Variants in HACD1 observed in about 807,000 individuals in gnomAD.
HACD1 encodes the protein very-long-chain (3R)-3-hydroxyacyl-CoA dehydratase 1.
A neutral mutation model predicts 32.0 loss-of-function variants in HACD1; 41 were observed. That is an observed-to-expected ratio of 1.28 (90% CI 1.00 to 1.66). The LOEUF is 1.66. Ranked by LOEUF, HACD1 falls within the 40% of genes most tolerant of loss-of-function variation. HACD1 has a pLI of 0.00. For missense variants in HACD1, 396 were observed against 380.1 expected (o/e 1.04, Z -0.35); for synonymous variants, 142 against 139.0 (o/e 1.02, Z -0.15).
chr10:17,615,714 C>T (rs1359102942), intron 1 of HACD1: 7 of 343,016 alleles, frequency 2.0e-5, no homozygotes, highest in Non-Finnish European at 3.6e-5. Flanking sequence ...CACCTGTAAT[C>T]CCAGCACATT....
intron 5 of HACD1, among the ~76,000 whole-genome samples, chr10:17,594,778 T>C (rs1238365186): frequency 1.3e-5 from 2 of 151,822 alleles, no homozygotes; most frequent in African/African-American, 4.8e-5. Flanking sequence ...TTCAAGTAAT[T>C]CTCCTGCCTC....
rs535549012 is a variant in HACD1, at chr10:17,590,100, T to G, written c.*264A>C. 3 of 229,902 alleles carry G rather than the reference T, an allele frequency of 1.3e-5. No homozygotes were observed. In the East Asian group the frequency reaches 2.5e-4, roughly 19 times the overall value. The allele number at this position is 229,902 out of a possible 1,614,324, so 14.2% of individuals were successfully genotyped here. A position where few individuals can be genotyped will look rare whatever the true frequency, so the allele number is the denominator to read the frequency against. ...TTTCAAAAAAAACTTAGCAAAAGTT[T>G]TTTTTTCCCCCAGATAATACACCTA... On this transcript the variant is annotated 3_prime_UTR_variant, in exon 7 of 7. Transcript: ENST00000361271.
intron 5 of HACD1, 61 bp from the exon 6 acceptor site, chr10:17,594,444 C>T: frequency 1.6e-6 from 2 of 1,267,434 alleles, no homozygotes; most frequent in South Asian, 4.9e-5. Flanking sequence ...CTTTACATTG[C>T]AGGTCTATTG....
chr10:17,603,610 C>A lies in HACD1; in HGVS notation c.433G>T (p.Val145Leu). 1 of 1,613,746 alleles carries A rather than the reference C, an allele frequency of 6.2e-7. No homozygotes were observed. Among genetic ancestry groups the A allele is most frequent in the East Asian group, 2.2e-5 (1 of 44,832 alleles). The change falls in exon 4 of 7, where the codon GTG becomes TTG. Residue 145 changes from valine to leucine, a missense_variant. Physicochemically the swap from Val to Leu is conservative, Grantham distance 32 (BLOSUM62 1). Transcript: ENST00000361271. ...PTSVIVTGVQ[V>L]SSRIFMVWLI... ...CACACCATAAAGATTCTTGAACTCA[C>A]TTGGACCCCAGTCACAATCACAGAA...
intron 4 of HACD1, among the ~76,000 whole-genome samples, chr10:17,600,976 A>G (rs1554816460): frequency 1.3e-5 from 2 of 151,858 alleles, no homozygotes; most frequent in African/African-American, 4.8e-5. Flanking sequence ...GCGTGATTTA[A>G]CGTTAAGTGT....
intron 4 of HACD1, among the ~76,000 whole-genome samples, chr10:17,599,641 C>T (rs990484183): frequency 6.6e-6 from 1 of 152,154 alleles, no homozygotes; most frequent in Non-Finnish European, 1.5e-5. Flanking sequence ...TTTCTTCCCT[C>T]GTCCTTCACT....
In HACD1 at chr10:17,602,641, G is replaced by A. The variant is rs534090130; in HGVS notation, c.483+919C>T. 3.9e-5 allele frequency among the ~76,000 whole-genome samples: 6 copies of A among 152,236 alleles called. No homozygotes were observed. The South Asian group carries it at 6.2e-4, about 16-fold the overall frequency. On this transcript the variant is annotated intron_variant, in intron 4 of 6. Coordinates refer to ENST00000361271, the MANE Select transcript of HACD1 (RefSeq NM_014241.4). Reference sequence around the variant, plus strand: ...GGCTAAATCAAGCTAACGAACCTATGTATTACCTTATGTACTTATTTATTT... The same window carrying A: ...GGCTAAATCAAGCTAACGAACCTATATATTACCTTATGTACTTATTTATTT...
chr10:17,603,901 A>G (rs782527038), intron 2 of HACD1, 29 bp downstream of exon 2: 5 of 1,538,166 alleles, frequency 3.3e-6, no homozygotes, highest in South Asian at 1.2e-5. Flanking sequence ...TATTACAGCA[A>G]TAGAAAAACA....
intron 1 of HACD1, among the ~76,000 whole-genome samples, chr10:17,616,457 C>T (rs1476857492): frequency 6.6e-6 from 1 of 152,004 alleles, no homozygotes; most frequent in Non-Finnish European, 1.5e-5. Context: ...GAGAGCTCTG[C>T]GAAGAGCGAC....
At chr10:17,602,184 C>T (rs568480645) in intron 4 of HACD1, among the ~76,000 whole-genome samples, 125 of 152,132 alleles carry the variant, frequency 8.2e-4, no homozygotes, top group African/African-American at 2.9e-3. Context: ...ATTCTCCTGC[C>T]TCAGCCTCCC....
At chr10:17,607,316 A>G (rs1834162024) in intron 1 of HACD1, among the ~76,000 whole-genome samples, 1 of 152,032 alleles carries the variant, frequency 6.6e-6, no homozygotes, top group African/African-American at 2.4e-5. Context: ...TGTGGCTACA[A>G]CTGATGGATC....
rs1327226061 is a variant in HACD1, at chr10:17,594,371, A to G, written c.618T>C (p.Phe206=). Residue 206 remains phenylalanine, a synonymous_variant, in exon 6 of 7, where the codon TTT becomes TTC. Coordinates refer to ENST00000361271, the MANE Select transcript of HACD1 (RefSeq NM_014241.4). ...YFIKWARYNF[F]IILYPVGVAG... ...CAACTCCAACAGGATATAAGATGAT[A>G]AAAAAATTATATCTGGAGAAAGAAA... 1.4e-6 allele frequency: 2 copies of G among 1,465,172 alleles called. No homozygotes were observed. The highest frequency in any genetic ancestry group is 1.4e-5 in the African/African-American group (1 of 70,460). The allele number at this position is 1,465,172 out of a possible 1,614,324, so 90.8% of individuals were successfully genotyped here. A position where few individuals can be genotyped will look rare whatever the true frequency, so the allele number is the denominator to read the frequency against.
intron 4 of HACD1, among the ~76,000 whole-genome samples, chr10:17,599,840 G>A (rs1433969485): frequency 6.6e-6 from 1 of 152,124 alleles, no homozygotes; most frequent in Non-Finnish European, 1.5e-5. Flanking sequence ...CTTGACTACT[G>A]TAACTGTTTC....
At chr10:17,607,734 A>G (rs1422828486) in intron 1 of HACD1, among the ~76,000 whole-genome samples, 1 of 152,172 alleles carries the variant, frequency 6.6e-6, no homozygotes, top group Non-Finnish European at 1.5e-5. Flanking sequence ...CGTGCCACTC[A>G]CTAAACTGTG....
chr10:17,609,277 C>T (rs1487183483), intron 1 of HACD1, among the ~76,000 whole-genome samples: 4 of 151,728 alleles, frequency 2.6e-5, no homozygotes, highest in South Asian at 2.1e-4. Context: ...CCTCAGCCTC[C>T]GTAGTAGCTG....
At chr10:17,608,943 A>G (rs1396908100) in intron 1 of HACD1, among the ~76,000 whole-genome samples, 1 of 152,180 alleles carries the variant, frequency 6.6e-6, no homozygotes, top group African/African-American at 2.4e-5. Context: ...AAAAGAAAAA[A>G]CAAACGCTTG....
At chr10:17,607,783 G>A (rs1554817171) in intron 1 of HACD1, among the ~76,000 whole-genome samples, 1 of 152,118 alleles carries the variant, frequency 6.6e-6, no homozygotes, top group Non-Finnish European at 1.5e-5. Flanking sequence ...GATTTGAAAG[G>A]ACCCATCGAA....
At chr10:17,592,935 C>A (rs1204766127) in intron 6 of HACD1, among the ~76,000 whole-genome samples, 3 of 152,186 alleles carry the variant, frequency 2.0e-5, no homozygotes, top group African/African-American at 7.2e-5. Flanking sequence ...GGGGCAGGGG[C>A]TCATGCCTGT....
rs12255308 is a variant in HACD1 at position 17,611,849 on chromosome 10, C to T, written c.257+5234G>A. ...AGGCGTGGTGGGGGGTGCCTGTAGT[C>T]CCAGCTACTCGGGAGGCTGAGGCAG... is the stretch of plus-strand genomic sequence containing the variant. On this transcript the variant is annotated intron_variant, in intron 1 of 6. Transcript: ENST00000361271. Among the ~76,000 whole-genome samples, 1,240 of 152,162 alleles carry T rather than the reference C, an allele frequency of 8.1e-3. 16 individuals are homozygous for T. Among genetic ancestry groups the T allele is most frequent in the African/African-American group, 0.029 (1,192 of 41,510 alleles).
Sources: gnomAD v4.1 joint callset for allele counts (sites outside exome capture counted in the v4.1 genomes callset) on GRCh38, gnomAD v4.1.1 for gene constraint, MANE v1.5 for transcripts, NCBI Gene and HGNC (gene_info 2026-07-23, HGNC 2026-07-21) for gene names.